MTMR3: variants seen among roughly 807,000 people sequenced by gnomAD.
The protein encoded by MTMR3 is phosphatidylinositol-3,5-bisphosphate 3-phosphatase MTMR3.
MTMR3 carries 32 observed loss-of-function variants against 132.4 expected under a neutral mutation model. The observed-to-expected ratio is 0.24, with a 90% CI of 0.18 to 0.32. MTMR3 has a LOEUF of 0.32. Among genes scored for constraint, MTMR3 ranks in the 10% least tolerant of loss-of-function variants. The pLI, the probability that MTMR3 is intolerant of heterozygous loss-of-function variation, is 1.00. For missense variants in MTMR3, 1,216 were observed against 1,489.6 expected, an observed-to-expected ratio of 0.82 and a Z score of 3.02; for synonymous variants, 556 against 550.3, an observed-to-expected ratio of 1.01 and a Z score of -0.14.
chr22:29,902,438 C>T (rs957839337), intron 1 of MTMR3, among the ~76,000 whole-genome samples: 3 of 141,020 alleles, frequency 2.1e-5, no homozygotes, highest in South Asian at 2.2e-4. Flanking sequence ...GACGGAGTCT[C>T]GCTCTGTCGC....
chr22:29,946,001 TTG>T (rs574825810), intron 1 of MTMR3, among the ~76,000 whole-genome samples: 1 of 125,740 alleles, frequency 8.0e-6, no homozygotes, highest in African/African-American at 3.4e-5. Flanking sequence ...ATTGTAAAAC[TTG>T]TGTGTGTGTG....
chr22:29,892,152 C>CAA (rs375103872), intron 1 of MTMR3, among the ~76,000 whole-genome samples: 1 of 130,612 alleles, frequency 7.7e-6, no homozygotes. Flanking sequence ...GACTCCATCT[C>CAA]AAAAAAAAAA....
intron 2 of MTMR3, among the ~76,000 whole-genome samples, chr22:29,959,668 T>C (rs979776069): frequency 6.6e-6 from 1 of 152,166 alleles, no homozygotes; most frequent in African/African-American, 2.4e-5. Context: ...TGTGTGCCAC[T>C]GTGCTGGCCA....
chr22:29,944,097 G>A (rs1602529076), intron 1 of MTMR3, among the ~76,000 whole-genome samples: 1 of 152,140 alleles, frequency 6.6e-6, no homozygotes, highest in East Asian at 1.9e-4. Context: ...GGGATTACAG[G>A]TGTGAGCCAC....
At chr22:29,998,981 A>G (rs1411825253) in intron 8 of MTMR3, 124 bp downstream of exon 8, 1 of 584,302 alleles carries the variant, frequency 1.7e-6, no homozygotes, top group Non-Finnish European at 2.9e-6. Flanking sequence ...TATTAAATCT[A>G]AAGGCATGAT....
intron 2 of MTMR3, among the ~76,000 whole-genome samples, chr22:29,957,388 A>G (rs2066218014): frequency 6.6e-6 from 1 of 150,846 alleles, no homozygotes; most frequent in African/African-American, 2.4e-5. Flanking sequence ...ATTTGTCTAA[A>G]ATAAATAGAT....
chr22:29,945,645 C>T (rs2065937989), intron 1 of MTMR3, among the ~76,000 whole-genome samples: 1 of 149,914 alleles, frequency 6.7e-6, no homozygotes, highest in Non-Finnish European at 1.5e-5. Flanking sequence ...CCTGAGGCTG[C>T]AGTAAGCTGT....
chr22:30,023,086 C>A, intron 19 of MTMR3: 1 of 394,162 alleles, frequency 2.5e-6, no homozygotes, highest in Non-Finnish European at 4.7e-6. Context: ...TGCTCCCTGA[C>A]CCCACACTTG....
At chr22:29,975,196 C>G (rs956151285) in intron 3 of MTMR3, among the ~76,000 whole-genome samples, 5 of 152,026 alleles carry the variant, frequency 3.3e-5, no homozygotes, top group Non-Finnish European at 7.4e-5. Context: ...TGAGGTACCC[C>G]CAAGAGGGTT....
intron 1 of MTMR3, among the ~76,000 whole-genome samples, chr22:29,898,689 A>T (rs765787439): frequency 6.6e-6 from 1 of 152,160 alleles, no homozygotes; most frequent in African/African-American, 2.4e-5. Flanking sequence ...GGCGTGAGCC[A>T]CCGTACCCAG....
At position 30,030,649 on chromosome 22, in the gene MTMR3, TC is replaced by T. The variant is rs2067998141; in HGVS notation, c.*4849del. On this transcript the variant is annotated 3_prime_UTR_variant, in exon 20 of 20. Coordinates refer to ENST00000401950, the MANE Select transcript of MTMR3 (RefSeq NM_021090.4). ...CAGCGAGGAGGGGGCGGGGGGGGGG[TC>T]ACTATTTATCTTCCAGAGGCAGGGT... is the stretch of plus-strand genomic sequence containing the variant. 1 of 66,624 alleles carries T rather than the reference TC, an allele frequency of 1.5e-5. No homozygotes were observed. Among genetic ancestry groups the T allele is most frequent in the African/African-American group, 6.0e-5 (1 of 16,780 alleles). The allele number at this position is 66,624 out of a possible 1,614,324, so 4.1% of individuals were successfully genotyped here.
intron 1 of MTMR3, among the ~76,000 whole-genome samples, chr22:29,955,407 G>A (rs1479911389): frequency 6.6e-6 from 1 of 152,150 alleles, no homozygotes; most frequent in East Asian, 1.9e-4. Context: ...TACTCTTGCA[G>A]GAAAAGGTTC....
intron 1 of MTMR3, among the ~76,000 whole-genome samples, chr22:29,889,215 T>G (rs187600706): frequency 6.6e-6 from 1 of 152,172 alleles, no homozygotes; most frequent in East Asian, 1.9e-4. Flanking sequence ...ACACTATAAT[T>G]TGGAGTTTTA....
At chr22:29,956,150 C>T (rs894635067) in intron 1 of MTMR3, among the ~76,000 whole-genome samples, 6 of 152,188 alleles carry the variant, frequency 3.9e-5, no homozygotes, top group Non-Finnish European at 5.9e-5. Context: ...GTCGTGTTTG[C>T]ACAACTTTAG....
At chr22:29,889,929 CAG>C (rs1432269731) in intron 1 of MTMR3, among the ~76,000 whole-genome samples, 1 of 110,856 alleles carries the variant, frequency 9.0e-6, no homozygotes, top group African/African-American at 3.6e-5. Flanking sequence ...TTTTTTGAGA[CAG>C]AGTCTCACTT....
chr22:29,928,415 G>T (rs879420425), intron 1 of MTMR3, among the ~76,000 whole-genome samples: 2 of 151,842 alleles, frequency 1.3e-5, no homozygotes, highest in African/African-American at 2.4e-5. Context: ...CAGGTGATCC[G>T]CTGGCCTTGG....
At chr22:29,991,746 G>C in intron 7 of MTMR3, 76 bp downstream of exon 7, 1 of 1,411,070 alleles carries the variant, frequency 7.1e-7, no homozygotes, top group Non-Finnish European at 9.5e-7. Flanking sequence ...ACATGAAATG[G>C]GACACCTAAG....
intron 13 of MTMR3, 85 bp from the exon 14 acceptor site, chr22:30,013,271 G>T (rs971507158): frequency 1.1e-5 from 16 of 1,438,340 alleles, no homozygotes; most frequent in African/African-American, 2.8e-5. Context: ...TGTTAGAGGG[G>T]ATTGCTTTCT....
At chr22:29,935,902 G>A (rs1414799399) in intron 1 of MTMR3, among the ~76,000 whole-genome samples, 7 of 151,926 alleles carry the variant, frequency 4.6e-5, no homozygotes, top group South Asian at 2.1e-4. Flanking sequence ...ATAGGCGCCC[G>A]CCACCACGCC....
Sources: allele counts gnomAD v4.1 joint callset (sites outside exome capture counted in the v4.1 genomes callset), GRCh38; gene constraint gnomAD v4.1.1; transcripts MANE v1.5; gene names NCBI Gene and HGNC (gene_info 2026-07-23, HGNC 2026-07-21).